MID1: variants seen among roughly 807,000 people sequenced by gnomAD.
The protein encoded by MID1 is midline 1, also known as E3 ubiquitin-protein ligase Midline-1.
In MID1, 7 loss-of-function variants were observed where a neutral mutation model predicts 40.4. That is an observed-to-expected ratio of 0.17 (90% CI 0.10 to 0.33). The LOEUF (loss-of-function observed/expected upper bound fraction) is 0.33. Ranked by LOEUF, MID1 falls within the 10% of genes least tolerant of loss-of-function variation. MID1 has a pLI of 1.00. For missense variants in MID1, 367 were observed against 558.5 expected (o/e 0.66, Z 3.46); for synonymous variants, 229 against 221.2 (o/e 1.04, Z -0.31).
chrX:10,643,755 C>T (rs1193978884), intron 1 of MID1, among the ~76,000 whole-genome samples: 1 of 110,989 alleles, frequency 9.0e-6, no homozygotes, highest in Non-Finnish European at 1.9e-5. Context: ...GGAACCAACC[C>T]AAATGTCCAA....
At chrX:10,750,771 A>T (rs1258869883) in intron 1 of MID1, among the ~76,000 whole-genome samples, 1 of 111,806 alleles carries the variant, frequency 8.9e-6, no homozygotes, top group Non-Finnish European at 1.9e-5. Context: ...CGAAAATCTG[A>T]AGTTATAGAC....
At chrX:10,673,672 G>A (rs2043003651) in intron 1 of MID1, among the ~76,000 whole-genome samples, 1 of 110,677 alleles carries the variant, frequency 9.0e-6, no homozygotes, top group African/African-American at 3.3e-5. Flanking sequence ...ACGAGATCTG[G>A]GAAGAAAGAC....
intron 1 of MID1, among the ~76,000 whole-genome samples, chrX:10,693,452 G>A (rs1022413115): frequency 1.0e-4 from 11 of 109,467 alleles, no homozygotes; most frequent in Admixed American, 2.0e-4. Flanking sequence ...TCAGCTTCCC[G>A]AAGTGCTGGG....
At chrX:10,636,784 G>GTATATATATATATATATATATA (rs1198448070) in intron 1 of MID1, among the ~76,000 whole-genome samples, 6 of 12,158 alleles carry the variant, frequency 4.9e-4, no homozygotes, top group African/African-American at 1.7e-3. Flanking sequence ...CCAACAATGG[G>GTATATATATATATATATATATA]GATATATATA....
intron 1 of MID1, among the ~76,000 whole-genome samples, chrX:10,599,311 C>G (rs1481682946): frequency 8.9e-6 from 1 of 112,280 alleles, no homozygotes; most frequent in Non-Finnish European, 1.9e-5. Context: ...TTGTCTTTTA[C>G]CTGCTTAGAA....
At chrX:10,539,582 A>G (rs1933389815) in intron 2 of MID1, among the ~76,000 whole-genome samples, 1 of 112,601 alleles carries the variant, frequency 8.9e-6, no homozygotes, top group South Asian at 3.6e-4. Flanking sequence ...CAAACAAACA[A>G]AAAAAGAAAC....
intron 1 of MID1, among the ~76,000 whole-genome samples, chrX:10,782,171 C>T (rs1490713750): frequency 2.7e-5 from 3 of 112,149 alleles, no homozygotes; most frequent in Non-Finnish European, 3.8e-5. Context: ...GCCACCCTGT[C>T]AATTGCTCAG....
rs138877421 is a variant in MID1, at chrX:10,750,613, G to A, written c.-187+82941C>T. Among the ~76,000 whole-genome samples the A allele has an allele frequency of 4.6e-3, 499 of 109,028 alleles. 5 individuals carry two copies. Among genetic ancestry groups the A allele is most frequent in the African/African-American group, 0.016 (472 of 29,864 alleles). The allele number at this position is 109,028 out of a possible 115,157, so 94.7% of individuals were successfully genotyped here. ...GCCACTGCACTCCAGCCTGGGTGAT[G>A]GAGTGAGACTCTGTCTCGAAAAATA... is the stretch of plus-strand genomic sequence containing the variant. On this transcript the variant is annotated intron_variant, in intron 1 of 10. Transcript: ENST00000380785.
intron 1 of MID1, among the ~76,000 whole-genome samples, chrX:10,721,959 T>C (rs924680749): frequency 9.0e-6 from 1 of 111,337 alleles, no homozygotes; most frequent in African/African-American, 3.3e-5. Flanking sequence ...GGGTACAGGC[T>C]TGCTTTTTGG....
At chrX:10,575,703 G>A (rs1373381706) in intron 1 of MID1, among the ~76,000 whole-genome samples, 1 of 111,063 alleles carries the variant, frequency 9.0e-6, no homozygotes, top group Non-Finnish European at 1.9e-5. Context: ...GATGGAAAAA[G>A]GGGAGAAGGG....
rs759708720 is a variant in MID1, at chrX:10,461,166, CAT to C, written c.1286-1361_1286-1360del. Among the ~76,000 whole-genome samples, 24 of 104,424 alleles carry C rather than the reference CAT, an allele frequency of 2.3e-4. No homozygotes were observed. The East Asian group carries it at 3.2e-3, about 14-fold the overall frequency. 90.7% of individuals were successfully genotyped at this position (104,424 alleles called of 115,157 possible). A position where few individuals can be genotyped will look rare whatever the true frequency, so the allele number is the denominator to read the frequency against. On this transcript the variant is annotated intron_variant, in intron 7 of 9. Transcript: ENST00000317552. ...ACACACACACACACACACACACACA[CAT>C]ATTTGGTCTTGTGAATTTTCTGTTG...
At chrX:10,787,207 T>C (rs772646751) in intron 1 of MID1, among the ~76,000 whole-genome samples, 2 of 110,815 alleles carry the variant, frequency 1.8e-5, no homozygotes, top group Admixed American at 1.9e-4. Context: ...TGAAAAAAGA[T>C]ACCACAGTAG....
In MID1 at chrX:10,665,299, G is replaced by T. The variant is rs143543983; in HGVS notation, c.-186-44880C>A. On this transcript the variant is annotated intron_variant, in intron 1 of 10. Coordinates refer to the MID1 transcript ENST00000380785. ...AAGGATTCTTAAGCCTCTAGACAGA[G>T]ATTGATACAGACCCTGACTTTTAAA... 3.4e-3 allele frequency among the ~76,000 whole-genome samples: 385 copies of T among 111,883 alleles called. 1 individual carries two copies. The highest frequency in any genetic ancestry group is 0.012 in the African/African-American group (362 of 30,773).
intron 3 of MID1, among the ~76,000 whole-genome samples, chrX:10,520,514 T>C (rs1306057389): frequency 8.9e-6 from 1 of 112,346 alleles, no homozygotes; most frequent in Admixed American, 9.4e-5. Flanking sequence ...CTGACAGTTA[T>C]AGGCACATAG....
intron 3 of MID1, among the ~76,000 whole-genome samples, chrX:10,517,563 T>C (rs775987514): frequency 1.8e-5 from 2 of 112,677 alleles, no homozygotes; most frequent in African/African-American, 6.4e-5. Flanking sequence ...GAACCCTCAC[T>C]AAACCTTCAA....
chrX:10,456,829 A>G (rs772153451), intron 8 of MID1, among the ~76,000 whole-genome samples: 1 of 111,365 alleles, frequency 9.0e-6, no homozygotes, highest in Non-Finnish European at 1.9e-5. Context: ...AGAGTGAGGC[A>G]CTGTCTCAAA....
chrX:10,609,156 TAC>T lies in MID1; in HGVS notation c.-57+11132_-57+11133del, dbSNP rs369473330. ...TTATACATATACATGCACACGTGCA[TAC>T]ACACACACACACACACACACATTTG... On this transcript the variant is annotated intron_variant, in intron 1 of 9. Transcript: ENST00000317552. Among the ~76,000 whole-genome samples, 373 of 106,649 alleles carry T rather than the reference TAC, an allele frequency of 3.5e-3. 1 individual carries two copies. Among genetic ancestry groups the T allele is most frequent in the Admixed American group, 5.7e-3 (57 of 10,003 alleles). 92.6% of individuals were successfully genotyped at this position (106,649 alleles called of 115,157 possible). A position where few individuals can be genotyped will look rare whatever the true frequency, so the allele number is the denominator to read the frequency against.
intron 1 of MID1, among the ~76,000 whole-genome samples, chrX:10,587,506 C>A (rs1191283163): frequency 8.9e-6 from 1 of 112,603 alleles, no homozygotes; most frequent in Non-Finnish European, 1.9e-5. Flanking sequence ...ACTTATTACT[C>A]CAGGCTGTAG....
At chrX:10,660,290 T>C (rs1226840316) in intron 1 of MID1, among the ~76,000 whole-genome samples, 2 of 112,785 alleles carry the variant, frequency 1.8e-5, no homozygotes, top group Non-Finnish European at 3.7e-5. Context: ...CTGAAACTGT[T>C]GCTATGGCAA....
Sources: allele counts gnomAD v4.1 joint callset (sites outside exome capture counted in the v4.1 genomes callset), GRCh38; gene constraint gnomAD v4.1.1; transcripts MANE v1.5; gene names NCBI Gene and HGNC (gene_info 2026-07-23, HGNC 2026-07-21).